The following ABCD2 variants were observed in gnomAD, a reference collection of about 807,000 sequenced individuals.
ABCD2 encodes the protein ATP binding cassette subfamily D member 2.
A neutral mutation model predicts 70.9 loss-of-function variants in ABCD2; 36 were observed. The observed-to-expected ratio is 0.51, with a 90% CI of 0.39 to 0.67. ABCD2 has a LOEUF of 0.67. Ranked by LOEUF, ABCD2 falls within the 30% of genes least tolerant of loss-of-function variation. The pLI, the probability that ABCD2 is intolerant of heterozygous loss-of-function variation, is 0.00. For missense variants in ABCD2, 729 were observed against 890.2 expected, an observed-to-expected ratio of 0.82 and a Z score of 2.30; for synonymous variants, 304 against 306.9, an observed-to-expected ratio of 0.99 and a Z score of 0.10.
rs1178510878 is a variant in ABCD2, at chr12:39,573,768, C to A, written c.1951G>T (p.Ala651Ser). Residue 651 changes from alanine to serine, a missense_variant, in exon 9 of 10, where the codon GCA (alanine) becomes TCA (serine). Ala to Ser is a moderately conservative substitution (Grantham distance 99). Around this residue, in one of 3 missense-constraint regions of ABCD2, gnomAD observed 289 missense variants for 328.8 expected, o/e 0.88. Coordinates refer to ENST00000308666, the MANE Select transcript of ABCD2 (RefSeq NM_005164.4). ...IDVEGKIFQA[A>S]KGAGISLLSI... ...AGTAAGGAAATTCCAGCCCCTTTTG[C>A]AGCCTGAAATATCTTTCCTTCGACA... 1.2e-6 allele frequency: 2 copies of A among 1,613,296 alleles called. No homozygotes were observed. The highest frequency in any genetic ancestry group is 1.6e-4 in the Middle Eastern group (1 of 6,078).
At chr12:39,531,160 T>A in the ABCD2 span, among the ~76,000 whole-genome samples, 8 of 152,002 alleles carry the variant, frequency 5.3e-5, no homozygotes, top group Non-Finnish European at 1.2e-4. Flanking sequence ...TACATTCTAG[T>A]GGGGGTAGGA....
chr12:39,539,716 A>G, the ABCD2 span: 2 of 153,708 alleles, frequency 1.3e-5, no homozygotes, highest in Admixed American at 6.5e-5. Flanking sequence ...TACCAAGTGC[A>G]GTGCCTTATA....
At chr12:39,583,666 C>T (rs896784572) in intron 7 of ABCD2, among the ~76,000 whole-genome samples, 4 of 152,158 alleles carry the variant, frequency 2.6e-5, no homozygotes, top group African/African-American at 7.2e-5. Flanking sequence ...TCCTCTCCCT[C>T]CTCCTACCCT....
At chr12:39,581,040 A>G (rs1941589238) in intron 7 of ABCD2, among the ~76,000 whole-genome samples, 1 of 152,158 alleles carries the variant, frequency 6.6e-6, no homozygotes, top group African/African-American at 2.4e-5. Flanking sequence ...GTTAAACATA[A>G]AATGCATCTT....
chr12:39,592,600 C>G (rs992736434), intron 6 of ABCD2, among the ~76,000 whole-genome samples: 8 of 152,198 alleles, frequency 5.3e-5, no homozygotes, highest in Non-Finnish European at 1.0e-4. Context: ...AGCCATATTT[C>G]TTTGCTTTGA....
intron 9 of ABCD2, among the ~76,000 whole-genome samples, chr12:39,560,238 C>T (rs1941235430): frequency 6.6e-6 from 1 of 152,168 alleles, no homozygotes; most frequent in African/African-American, 2.4e-5. Context: ...TCACTTCCCA[C>T]CTATGAGTGA....
chr12:39,550,205 GGC>G lies in ABCD2; in HGVS notation c.*3705_*3706del, dbSNP rs1290711929. 2.0e-5 allele frequency: 3 copies of G among 151,598 alleles called. No homozygotes were observed. The highest frequency in any genetic ancestry group is 7.3e-5 in the African/African-American group (3 of 41,352). The allele number at this position is 151,598 out of a possible 1,614,324, so 9.4% of individuals were successfully genotyped here. On this transcript the variant is annotated 3_prime_UTR_variant, in exon 10 of 10. Transcript: ENST00000308666. ...TATATACAATACAATGTCTAAGTAA[GGC>G]GTATATAGACATATACCCAACATGG...
chr12:39,595,658 C>G (rs1941806063), intron 6 of ABCD2, among the ~76,000 whole-genome samples: 2 of 152,098 alleles, frequency 1.3e-5, no homozygotes, highest in Non-Finnish European at 1.5e-5. Flanking sequence ...CTTGTGCACA[C>G]AACCCTGTGA....
chr12:39,565,208 A>G (rs1941326017), intron 9 of ABCD2, among the ~76,000 whole-genome samples: 1 of 152,166 alleles, frequency 6.6e-6, no homozygotes, highest in Non-Finnish European at 1.5e-5. Flanking sequence ...GAATCTATAA[A>G]TTACTTTGGG....
At chr12:39,544,982 G>T in the ABCD2 span, among the ~76,000 whole-genome samples, 1 of 152,146 alleles carries the variant, frequency 6.6e-6, no homozygotes, top group South Asian at 2.1e-4. Context: ...TTAGTTTGGG[G>T]ACTTCTAATC....
intron 9 of ABCD2, among the ~76,000 whole-genome samples, chr12:39,569,143 CT>C (rs1941407068): frequency 6.6e-6 from 1 of 152,232 alleles, no homozygotes; most frequent in Non-Finnish European, 1.5e-5. Context: ...AACCACTGCT[CT>C]CTTCAAAGTT....
At chr12:39,574,975 C>T (rs569956361) in intron 8 of ABCD2, among the ~76,000 whole-genome samples, 264 of 152,248 alleles carry the variant, frequency 1.7e-3, no homozygotes, top group African/African-American at 5.7e-3. Flanking sequence ...GCATGTTCTC[C>T]ATGACAACAT....
rs111574743 is a variant in ABCD2, at chr12:39,563,692, T to C, written c.2004-9561A>G. 2.0e-3 allele frequency among the ~76,000 whole-genome samples: 307 copies of C among 152,274 alleles called. 3 individuals are homozygous for C. Among genetic ancestry groups the C allele is most frequent in the African/African-American group, 6.6e-3 (276 of 41,556 alleles). ...CCACAACATGCAGGTTAGTTACATA[T>C]GTATACATGTGCCATGTTGGTGTGC... On this transcript the variant is annotated intron_variant, in intron 9 of 9. Coordinates refer to ENST00000308666, the MANE Select transcript of ABCD2 (RefSeq NM_005164.4).
chr12:39,544,740 A>C, the ABCD2 span, among the ~76,000 whole-genome samples: 2 of 151,904 alleles, frequency 1.3e-5, no homozygotes, highest in Non-Finnish European at 2.9e-5. Context: ...GACAGGAGAC[A>C]TAGTGGGAAT....
intron 9 of ABCD2, among the ~76,000 whole-genome samples, chr12:39,571,573 C>A (rs1326388566): frequency 6.6e-6 from 1 of 152,146 alleles, no homozygotes; most frequent in African/African-American, 2.4e-5. Flanking sequence ...TCTGGTCTTA[C>A]AACATTATTT....
chr12:39,583,028 T>A (rs1330901237), intron 7 of ABCD2, among the ~76,000 whole-genome samples: 2 of 151,940 alleles, frequency 1.3e-5, no homozygotes, highest in Non-Finnish European at 2.9e-5. Flanking sequence ...CCCGGATAAT[T>A]TTTGTATGTT....
At chr12:39,540,597 T>A in the ABCD2 span, among the ~76,000 whole-genome samples, 1 of 152,216 alleles carries the variant, frequency 6.6e-6, no homozygotes, top group Non-Finnish European at 1.5e-5. Context: ...GAGTCTAGCA[T>A]TTTTTAAAGT....
At chr12:39,572,665 A>G (rs773260081) in intron 9 of ABCD2, among the ~76,000 whole-genome samples, 1 of 152,220 alleles carries the variant, frequency 6.6e-6, no homozygotes, top group East Asian at 1.9e-4. Flanking sequence ...TCAAAGGTCT[A>G]GAAGGGCTTC....
rs368375856 is a variant in ABCD2, at chr12:39,619,005, G to A, written c.611C>T (p.Ala204Val). ...YKVINMDGRL[A>V]NPDQSLTEDI... ...CTCCGTAAGAGATTGGTCAGGGTTT[G>A]CCAGCCTCCCATCCATATTGATCAC... Residue 204 changes from alanine (A) to valine (V), a missense_variant, in exon 1 of 10, where the codon GCA becomes GTA. By Grantham distance (64) the Ala-to-Val change is moderately conservative (BLOSUM62 0). Transcript: ENST00000308666. 7.4e-6 allele frequency: 12 copies of A among 1,614,092 alleles called. No individual in the cohort carries two copies. Among genetic ancestry groups the A allele is most frequent in the Middle Eastern group, 1.6e-4 (1 of 6,084 alleles).
Sources: gnomAD v4.1 joint callset for allele counts (sites outside exome capture counted in the v4.1 genomes callset) on GRCh38, gnomAD v4.1.1 for gene constraint, gnomAD v4.1.1 regional missense constraint, MANE v1.5 for transcripts, NCBI Gene and HGNC (gene_info 2026-07-23, HGNC 2026-07-21) for gene names.